Variants in LRRC36 observed in about 807,000 individuals in gnomAD.
LRRC36 encodes leucine rich repeat containing 36.
LRRC36 carries 62 observed loss-of-function variants against 81.1 expected under a neutral mutation model. That is an observed-to-expected ratio of 0.76 (90% CI 0.62 to 0.94). LRRC36 has a LOEUF of 0.94. Ranked by LOEUF, LRRC36 falls within the 40% of genes least tolerant of loss-of-function variation. LRRC36 has a pLI of 0.00. For synonymous variants in LRRC36, 334 were observed against 348.6 expected (o/e 0.96, Z 0.47); for missense variants, 761 against 881.7 (o/e 0.86, Z 1.73).
At chr16:67,347,336 C>T in intron 3 of LRRC36, 159 bp from the exon 4 acceptor site, 4 of 1,397,900 alleles carry the variant, frequency 2.9e-6, no homozygotes, top group Non-Finnish European at 3.8e-6. Context: ...CCTGCCTGCT[C>T]CAGTGACAAC....
intron 1 of LRRC36, 76 bp from the exon 2 acceptor site, chr16:67,341,881 G>A (rs2038101448): frequency 4.8e-6 from 6 of 1,258,900 alleles, no homozygotes; most frequent in Non-Finnish European, 6.6e-6. Flanking sequence ...ATGGGAGGAA[G>A]AAAGGCCTAC....
chr16:67,330,383 C>G (rs2037426698), intron 1 of LRRC36, among the ~76,000 whole-genome samples: 1 of 152,038 alleles, frequency 6.6e-6, no homozygotes, highest in Non-Finnish European at 1.5e-5. Context: ...GAGAAATTTC[C>G]TCACATCAAC....
rs532236760 is a variant in LRRC36 at position 67,379,486 on chromosome 16, G to A, written c.1930+774G>A. Among the ~76,000 whole-genome samples, 9 of 152,286 alleles carry A rather than the reference G, an allele frequency of 5.9e-5. No homozygotes were observed. In the South Asian group the frequency reaches 6.2e-4, roughly 11 times the overall value. On this transcript the variant is annotated intron_variant, in intron 12 of 13. Transcript: ENST00000329956. ...AATCCCAGCACTTTGGGAGGCCAAC[G>A]TGGGCGGATCACTTGAGCTCAGGAG...
chr16:67,371,509 G>A (rs1243882777), intron 9 of LRRC36: 1 of 483,510 alleles, frequency 2.1e-6, no homozygotes, highest in Non-Finnish European at 3.8e-6. Flanking sequence ...GAACTCTGTA[G>A]CATCTATGTT....
chr16:67,346,168 C>G (rs572597138), intron 2 of LRRC36, 88 bp from the exon 3 acceptor site: 2 of 877,932 alleles, frequency 2.3e-6, no homozygotes, highest in African/African-American at 3.3e-5. Context: ...TGTTTAAGGA[C>G]GGAAAGTAAC....
intron 9 of LRRC36, among the ~76,000 whole-genome samples, 165 bp from the exon 10 acceptor site, chr16:67,375,082 G>A (rs2039828642): frequency 6.6e-6 from 1 of 151,050 alleles, no homozygotes; most frequent in African/African-American, 2.4e-5. Flanking sequence ...AGCCCAGATC[G>A]CACCACTGCA....
chr16:67,360,361 A>G (rs550724988), intron 5 of LRRC36, among the ~76,000 whole-genome samples: 1 of 152,312 alleles, frequency 6.6e-6, no homozygotes, highest in South Asian at 2.1e-4. Flanking sequence ...AAAGAAAAGG[A>G]ACCTGTGAAT....
intron 4 of LRRC36, among the ~76,000 whole-genome samples, chr16:67,349,173 T>C (rs1186160767): frequency 1.3e-5 from 2 of 152,218 alleles, no homozygotes; most frequent in Non-Finnish European, 2.9e-5. Flanking sequence ...ATAAACCTTC[T>C]AATAAACAGA....
chr16:67,343,649 C>T (rs2038199692), intron 2 of LRRC36, among the ~76,000 whole-genome samples: 1 of 149,424 alleles, frequency 6.7e-6, no homozygotes, highest in South Asian at 2.1e-4. Context: ...GAGCCTAGAT[C>T]GCACCACTAC....
At chr16:67,348,291 T>C (rs1464768899) in intron 4 of LRRC36, among the ~76,000 whole-genome samples, 1 of 152,190 alleles carries the variant, frequency 6.6e-6, no homozygotes, top group Non-Finnish European at 1.5e-5. Context: ...CCAGATATCC[T>C]TGTACTATAG....
chr16:67,341,025 AC>A (rs2038033283), intron 1 of LRRC36, among the ~76,000 whole-genome samples: 1 of 121,022 alleles, frequency 8.3e-6, no homozygotes, highest in African/African-American at 3.4e-5. Context: ...TAGAATATGT[AC>A]TCTACATATT....
intron 1 of LRRC36, among the ~76,000 whole-genome samples, chr16:67,332,280 G>A (rs1328910816): frequency 6.6e-6 from 1 of 152,148 alleles, no homozygotes; most frequent in African/African-American, 2.4e-5. Context: ...ACGGCCAGGC[G>A]CGGTGGCTTA....
chr16:67,385,030 G>A lies in LRRC36; in HGVS notation c.2206G>A (p.Glu736Lys). The A allele has an allele frequency of 6.2e-7, 1 of 1,614,202 alleles. No individual in the cohort carries two copies. Among genetic ancestry groups the A allele is most frequent in the Non-Finnish European group, 8.5e-7 (1 of 1,180,044 alleles). The change falls in exon 14 of 14, where the codon GAG becomes AAG. Residue 736 changes from glutamate (E) to lysine (K), a missense_variant. Physicochemically the swap from Glu to Lys is moderately conservative, Grantham distance 56 (BLOSUM62 1). Around this residue, in one of 3 missense-constraint regions of LRRC36, gnomAD observed 359 missense variants for 388.4 expected, o/e 0.92. Transcript: ENST00000329956. ...GTCTTCCTCCTCACCAGTGGCACAT[G>A]AGACTGGTCAGTATCTAATACAGAG... ...TLSSSSPVAH[E>K]TGQYLIQSVL...
chr16:67,329,534 T>A (rs759105662), intron 1 of LRRC36, among the ~76,000 whole-genome samples: 15 of 151,276 alleles, frequency 9.9e-5, no homozygotes, highest in Non-Finnish European at 1.9e-4. Flanking sequence ...CTCAAGTGAC[T>A]CAGCCTCCTA....
chr16:67,384,350 C>T (rs1305473887), intron 13 of LRRC36, among the ~76,000 whole-genome samples: 1 of 152,166 alleles, frequency 6.6e-6, no homozygotes, highest in South Asian at 2.1e-4. Flanking sequence ...AGGAGAATTG[C>T]TTGAATCCAG....
chr16:67,335,968 G>A (rs2037742655), intron 1 of LRRC36, among the ~76,000 whole-genome samples: 1 of 152,132 alleles, frequency 6.6e-6, no homozygotes, highest in Non-Finnish European at 1.5e-5. Context: ...CCAGCCTCAG[G>A]TGATCCGCCC....
intron 8 of LRRC36, among the ~76,000 whole-genome samples, chr16:67,367,926 A>T (rs1396494492): frequency 6.6e-6 from 1 of 152,150 alleles, no homozygotes; most frequent in Non-Finnish European, 1.5e-5. Flanking sequence ...GCATGGTGGC[A>T]TGCGCCTGTA....
At chr16:67,348,747 T>G (rs1418551558) in intron 4 of LRRC36, 1 of 152,348 alleles carries the variant, frequency 6.6e-6, no homozygotes, top group South Asian at 2.1e-4. Context: ...ATAAACTCCA[T>G]GAGAACAAGG....
chr16:67,374,418 A>G (rs2142147653), intron 9 of LRRC36, among the ~76,000 whole-genome samples: 1 of 152,216 alleles, frequency 6.6e-6, no homozygotes, highest in East Asian at 1.9e-4. Flanking sequence ...ATTTTGTGAC[A>G]TAGTCTTGCC....
Sources: gnomAD v4.1 joint callset for allele counts (sites outside exome capture counted in the v4.1 genomes callset) on GRCh38, gnomAD v4.1.1 for gene constraint, gnomAD v4.1.1 regional missense constraint, MANE v1.5 for transcripts, NCBI Gene and HGNC (gene_info 2026-07-23, HGNC 2026-07-21) for gene names.